NSMCE1: variants seen among roughly 807,000 people sequenced by gnomAD.
NSMCE1 encodes non-structural maintenance of chromosomes element 1 homolog.
Under a neutral mutation model 29.6 loss-of-function variants are expected in NSMCE1, and 18 were observed. That is an observed-to-expected ratio of 0.61 (90% confidence interval 0.42 to 0.90). The LOEUF (loss-of-function observed/expected upper bound fraction) is 0.90. Ranked by LOEUF, NSMCE1 falls within the 40% of genes least tolerant of loss-of-function variation. The probability of loss-of-function intolerance (pLI) is 0.00; values close to 1 mark genes in which losing one functional copy is unlikely to be tolerated. For missense variants in NSMCE1, 314 were observed against 343.6 expected (o/e 0.91, Z 0.68); for synonymous variants, 124 against 133.4 (o/e 0.93, Z 0.49).
intron 2 of NSMCE1, among the ~76,000 whole-genome samples, chr16:27,247,649 G>A (rs1288541849): frequency 3.3e-5 from 5 of 152,060 alleles, no homozygotes; most frequent in South Asian, 2.1e-4. Context: ...TCATATGGCC[G>A]GGCACAGTGG....
At chr16:27,267,752 G>A (rs1454584006) in intron 1 of NSMCE1, among the ~76,000 whole-genome samples, 1 of 151,256 alleles carries the variant, frequency 6.6e-6, no homozygotes, top group East Asian at 1.9e-4. Context: ...TTTTGAGACG[G>A]AGTTTCGCTC....
intron 3 of NSMCE1, among the ~76,000 whole-genome samples, chr16:27,234,813 C>T (rs2083801299): frequency 6.6e-6 from 1 of 152,228 alleles, no homozygotes; most frequent in Admixed American, 6.5e-5. Context: ...GGCTGTATTT[C>T]ACTCCTGGCT....
intron 5 of NSMCE1, among the ~76,000 whole-genome samples, chr16:27,228,175 G>C (rs2083722750): frequency 6.6e-6 from 1 of 152,138 alleles, no homozygotes; most frequent in African/African-American, 2.4e-5. Flanking sequence ...CGTAATCTGG[G>C]CTCACAGTGC....
At chr16:27,236,688 C>G (rs1363867030) in intron 2 of NSMCE1, among the ~76,000 whole-genome samples, 1 of 152,042 alleles carries the variant, frequency 6.6e-6, no homozygotes, top group Non-Finnish European at 1.5e-5. Context: ...AAGATTCATG[C>G]CTTAGAAAAT....
At chr16:27,241,731 T>G in intron 2 of NSMCE1, 1 of 342,536 alleles carries the variant, frequency 2.9e-6, no homozygotes, top group East Asian at 8.3e-5. Flanking sequence ...GTAGATCACT[T>G]AGTGACGAAC....
intron 2 of NSMCE1, among the ~76,000 whole-genome samples, chr16:27,247,421 C>A (rs1274929818): frequency 6.6e-6 from 1 of 152,184 alleles, no homozygotes; most frequent in Non-Finnish European, 1.5e-5. Flanking sequence ...AACGGTGAGT[C>A]AATTAAACTT....
chr16:27,256,621 A>C (rs79513641), intron 2 of NSMCE1, among the ~76,000 whole-genome samples: 2,005 of 152,324 alleles, frequency 0.013, 45 homozygotes, highest in African/African-American at 0.046. Context: ...CAACTCAACA[A>C]TATCTGCCAA....
intron 2 of NSMCE1, among the ~76,000 whole-genome samples, chr16:27,242,382 A>G (rs1318808198): frequency 6.6e-6 from 1 of 152,194 alleles, no homozygotes; most frequent in Non-Finnish European, 1.5e-5. Context: ...AAACTCAAGA[A>G]GTTTATTACA....
intron 1 of NSMCE1, among the ~76,000 whole-genome samples, chr16:27,264,128 C>G (rs921886891): frequency 6.6e-6 from 1 of 152,178 alleles, no homozygotes; most frequent in Non-Finnish European, 1.5e-5. Flanking sequence ...CTTTGGGAGG[C>G]TGACGTGGGC....
chr16:27,256,223 G>A (rs1305839072), intron 2 of NSMCE1, among the ~76,000 whole-genome samples: 2 of 152,052 alleles, frequency 1.3e-5, no homozygotes, highest in African/African-American at 4.8e-5. Flanking sequence ...GAATAAGGCA[G>A]AATAAAAACC....
Position 27,226,974 on chromosome 16 carries a change from CG to C in NSMCE1, c.484-139del. On this transcript the variant is annotated intron_variant, in intron 5 of 7. Coordinates refer to ENST00000361439, the MANE Select transcript of NSMCE1 (RefSeq NM_145080.4). ...GCAGCTTTTCACCAACCCCAGCCAA[CG>C]GGCATCAGCCACATCCCCCTGGCAG... 3 of 637,606 alleles carry C rather than the reference CG, an allele frequency of 4.7e-6. No homozygotes were observed. The South Asian group carries it at 5.6e-5, about 12-fold the overall frequency. The allele number at this position is 637,606 out of a possible 1,614,324, so 39.5% of individuals were successfully genotyped here. A position where few individuals can be genotyped will look rare whatever the true frequency, so the allele number is the denominator to read the frequency against.
intron 2 of NSMCE1, among the ~76,000 whole-genome samples, chr16:27,247,122 A>C (rs1375707669): frequency 6.6e-6 from 1 of 152,166 alleles, no homozygotes; most frequent in Non-Finnish European, 1.5e-5. Flanking sequence ...CATCACCCCC[A>C]ATATGGTTTG....
Position 27,241,882 on chromosome 16 carries a change from G to A in NSMCE1, c.137-6583C>T, listed in dbSNP as rs750201077. On this transcript the variant is annotated intron_variant, in intron 2 of 7. Transcript: ENST00000361439. ...CTTTCTCAGAGGTCAGAGAGATGAA[G>A]GACATACCTAAGACGGGACAGGAAG... is the stretch of plus-strand genomic sequence containing the variant. The A allele has an allele frequency of 4.4e-5, 20 of 454,434 alleles. 1 individual carries two copies. The Middle Eastern group carries it at 1.6e-3, about 37-fold the overall frequency. The allele number at this position is 454,434 out of a possible 1,614,324, so 28.2% of individuals were successfully genotyped here.
intron 3 of NSMCE1, 84 bp from the exon 4 acceptor site, chr16:27,234,349 T>C (rs1163893154): frequency 2.2e-6 from 2 of 896,662 alleles, no homozygotes; most frequent in East Asian, 4.8e-5. Flanking sequence ...CCTCCCCTCC[T>C]CCATCTCTGG....
At chr16:27,252,775 C>T (rs1355437185) in intron 2 of NSMCE1, among the ~76,000 whole-genome samples, 1 of 151,686 alleles carries the variant, frequency 6.6e-6, no homozygotes, top group Non-Finnish European at 1.5e-5. Context: ...AAAAATTAGC[C>T]GGGTGTGGTG....
chr16:27,243,431 ACAGCCAATGGGCTG>A (rs1387172906), intron 2 of NSMCE1, among the ~76,000 whole-genome samples: 3 of 152,144 alleles, frequency 2.0e-5, no homozygotes, highest in South Asian at 4.1e-4. Flanking sequence ...GAACATACAA[ACAGCCAATGGGCTG>A]CAGCCAATGG....
At chr16:27,239,585 C>T (rs77646137) in intron 2 of NSMCE1, among the ~76,000 whole-genome samples, 2,471 of 152,318 alleles carry the variant, frequency 0.016, 68 homozygotes, top group African/African-American at 0.055. Context: ...AAGAAAAAGA[C>T]ACAACCTTCA....
intron 4 of NSMCE1, 104 bp downstream of exon 4, chr16:27,234,084 C>T (rs2083791561): frequency 1.2e-5 from 9 of 761,930 alleles, no homozygotes; most frequent in Non-Finnish European, 1.9e-5. Flanking sequence ...TGGCCCATGT[C>T]CCCCCAGTGA....
Position 27,251,162 on chromosome 16 carries a change from ATATAT to A in NSMCE1, c.136+6268_136+6272del, listed in dbSNP as rs1567281122. 4.3e-4 allele frequency among the ~76,000 whole-genome samples: 22 copies of A among 51,406 alleles called. 1 individual carries two copies. The East Asian group carries it at 6.0e-3, about 14-fold the overall frequency. The allele number at this position is 51,406 out of a possible 152,430, so 33.7% of individuals were successfully genotyped here. ...AGCCTTAATTTTAATTATTTAAAAT[ATATAT>A]ATATATATATATATATATATATAAA... On this transcript the variant is annotated intron_variant, in intron 2 of 7. Transcript: ENST00000361439.
Sources: allele counts gnomAD v4.1 joint callset (sites outside exome capture counted in the v4.1 genomes callset), GRCh38; gene constraint gnomAD v4.1.1; transcripts MANE v1.5; gene names NCBI Gene and HGNC (gene_info 2026-07-23, HGNC 2026-07-21).